The following ZFR variants were observed in gnomAD, a reference collection of about 807,000 sequenced individuals.
The protein encoded by ZFR is zinc finger RNA-binding protein.
In ZFR, 19 loss-of-function variants were observed where a neutral mutation model predicts 130.7. The ratio of observed to expected loss-of-function variants is 0.15; its 90% CI spans 0.10 to 0.21. The LOEUF (loss-of-function observed/expected upper bound fraction) is 0.21, where lower values mean the gene tolerates loss of function less well. ZFR is among the 10% of genes least tolerant of loss of function. ZFR has a pLI of 1.00. For missense variants in ZFR, 872 were observed against 1,321.5 expected (o/e 0.66, Z 5.27); for synonymous variants, 466 against 456.9 (o/e 1.02, Z -0.25).
At chr5:32,380,285 G>A (rs752312719) in intron 15 of ZFR, 113 bp from the exon 16 acceptor site, 3 of 632,250 alleles carry the variant, frequency 4.7e-6, no homozygotes, top group Middle Eastern at 2.6e-4. Context: ...GAGCTTGTTG[G>A]CACTTTAATA....
intron 2 of ZFR, among the ~76,000 whole-genome samples, chr5:32,428,763 A>C (rs1754132926): frequency 6.6e-6 from 1 of 152,156 alleles, no homozygotes; most frequent in Non-Finnish European, 1.5e-5. Flanking sequence ...ACAGTGCATG[A>C]GTGGCCTGAG....
intron 4 of ZFR, among the ~76,000 whole-genome samples, chr5:32,415,921 G>T (rs1479648715): frequency 6.6e-6 from 1 of 150,420 alleles, no homozygotes; most frequent in Non-Finnish European, 1.5e-5. Flanking sequence ...AAATCACGGG[G>T]CCAAGCTCAT....
At chr5:32,415,523 C>A (rs76538435) in intron 4 of ZFR, among the ~76,000 whole-genome samples, 4 of 132,036 alleles carry the variant, frequency 3.0e-5, no homozygotes, top group African/African-American at 1.2e-4. Flanking sequence ...TGTGCGCGCG[C>A]GCGCGCGCGC....
Position 32,419,886 on chromosome 5 carries a change from C to G in ZFR, c.355G>C (p.Gly119Arg). 6.2e-7 allele frequency: 1 copy of G among 1,613,726 alleles called. No individual in the cohort carries two copies. Among genetic ancestry groups the G allele is most frequent in the Non-Finnish European group, 8.5e-7 (1 of 1,179,786 alleles). The change falls in exon 3 of 20, where the codon GGT becomes CGT. Residue 119 changes from glycine to arginine, a missense_variant. By Grantham distance (125) the Gly-to-Arg change is moderately radical. This residue lies in a region of ZFR where 240 missense variants were observed against 441.2 expected (regional missense o/e 0.54). Transcript: ENST00000265069. ...GCTTCTTGTTGCCTCTGAGTATAAC[C>G]ATAGTCAGTTGCTGTGTGTGCAGTG... is the stretch of plus-strand genomic sequence containing the variant. ...YPTAHTATDY[G>R]YTQRQQEAPP...
chr5:32,365,922 A>T (rs988262280), intron 17 of ZFR, among the ~76,000 whole-genome samples: 20 of 151,980 alleles, frequency 1.3e-4, no homozygotes, highest in African/African-American at 4.6e-4. Flanking sequence ...TTTTTTACGG[A>T]TTTTCATTTT....
chr5:32,411,404 C>T (rs756225498), intron 5 of ZFR, among the ~76,000 whole-genome samples: 2 of 151,982 alleles, frequency 1.3e-5, no homozygotes, highest in African/African-American at 2.4e-5. Context: ...TGAAAATATT[C>T]GGAGGCAGGT....
rs1158425194 is a variant in ZFR, at chr5:32,377,151, A to G, written c.2835+1964T>C. ...AGCCTGGGCAACAGAGCAAGACTCC[A>G]TCTGAAAAAAAAAAAAAAAAAAAAA... On this transcript the variant is annotated intron_variant, in intron 17 of 19. Transcript: ENST00000265069. 7.9e-5 allele frequency among the ~76,000 whole-genome samples: 4 copies of G among 50,948 alleles called. No homozygotes were observed. In the East Asian group the frequency reaches 1.9e-3, roughly 24 times the overall value. 33.4% of individuals were successfully genotyped at this position (50,948 alleles called of 152,430 possible).
At chr5:32,372,435 CG>C (rs756160843) in intron 17 of ZFR, among the ~76,000 whole-genome samples, 8 of 152,224 alleles carry the variant, frequency 5.3e-5, no homozygotes, top group East Asian at 1.9e-4. Context: ...CCTTGAAAAA[CG>C]TGAGTTTGAA....
rs906867471 is a variant in ZFR, at chr5:32,388,496, T to A, written c.2321A>T (p.Asp774Val). 4 of 1,613,886 alleles carry A rather than the reference T, an allele frequency of 2.5e-6. No homozygotes were observed. Among genetic ancestry groups the A allele is most frequent in the Non-Finnish European group, 3.4e-6 (4 of 1,179,906 alleles). ...EHEKNKNKEG[D>V]DKKEGGKDRA... ...GTCTTTACCTCCCTCTTTCTTATCA[T>A]CTCCCTCTTTGTTCTTGTTCTTCTC... The change falls in exon 13 of 20, where the codon GAT becomes GTT. Residue 774 changes from aspartate (D) to valine (V), a missense_variant. Physicochemically the swap from Asp to Val is radical, Grantham distance 152 (BLOSUM62 -3). Around this residue, in one of 7 missense-constraint regions of ZFR, gnomAD observed 225 missense variants for 282.4 expected, o/e 0.80. Transcript: ENST00000265069.
intron 2 of ZFR, among the ~76,000 whole-genome samples, chr5:32,427,766 A>C (rs905668426): frequency 6.6e-6 from 1 of 152,250 alleles, no homozygotes; most frequent in African/African-American, 2.4e-5. Flanking sequence ...TAGTGCTGGC[A>C]TACAGACATA....
chr5:32,406,810 A>G lies in ZFR; in HGVS notation c.996T>C (p.Tyr332=), dbSNP rs767170170. The change falls in exon 6 of 20, where the codon TAT becomes TAC. Residue 332 remains tyrosine (Y), a synonymous_variant. Coordinates refer to ENST00000265069, the MANE Select transcript of ZFR (RefSeq NM_016107.5). The stretch of plus-strand genomic sequence containing the variant: ...CACAGCTGATCTTACAAACATCACA[A>G]TAGTGAATCTGTGGTGGTTTGGGAG... ...KQPPKPPQIH[Y]CDVCKISCAG... is the part of the protein sequence containing the mutation. 5.8e-5 allele frequency: 93 copies of G among 1,613,708 alleles called. 1 individual carries two copies. In the South Asian group the frequency reaches 9.0e-4, roughly 16 times the overall value.
intron 2 of ZFR, among the ~76,000 whole-genome samples, chr5:32,420,481 T>C (rs1022467281): frequency 3.3e-5 from 5 of 152,228 alleles, no homozygotes; most frequent in African/African-American, 9.6e-5. Flanking sequence ...TTCTTTATTA[T>C]GTTGTACAGT....
In ZFR at chr5:32,354,741, T is replaced by G. The variant is rs1446996797; in HGVS notation, c.*1019A>C. ...GATCATCTGTGTTATACTGTAATAG[T>G]TGCTAGAGTAATCTCACACACACCA... is the stretch of plus-strand genomic sequence containing the variant. On this transcript the variant is annotated 3_prime_UTR_variant, in exon 20 of 20. Transcript: ENST00000265069. The G allele has an allele frequency of 8.5e-5, 13 of 152,624 alleles. No individual in the cohort carries two copies. Among genetic ancestry groups the G allele is most frequent in the Admixed American group, 8.5e-4 (13 of 15,272 alleles). 9.5% of individuals were successfully genotyped at this position (152,624 alleles called of 1,614,324 possible).
intron 10 of ZFR, among the ~76,000 whole-genome samples, chr5:32,396,325 T>C (rs1020226448): frequency 6.6e-6 from 1 of 152,176 alleles, no homozygotes; most frequent in Admixed American, 6.5e-5. Flanking sequence ...AATGTCTATG[T>C]TGGGGTTAAA....
In ZFR at chr5:32,355,879, G is replaced by T. The variant is rs199656667; in HGVS notation, c.3106C>A (p.Pro1036Thr). The T allele has an allele frequency of 1.9e-6, 3 of 1,611,144 alleles. No individual in the cohort carries two copies. Among genetic ancestry groups the T allele is most frequent in the Non-Finnish European group, 2.5e-6 (3 of 1,179,084 alleles). Residue 1036 changes from proline (P) to threonine (T), a missense_variant, in exon 20 of 20, where the codon CCG becomes ACG. Pro to Thr is a conservative substitution (Grantham distance 38). Coordinates refer to ENST00000265069, the MANE Select transcript of ZFR (RefSeq NM_016107.5). The part of the protein sequence containing the change: ...IHKVLGMDPL[P>T]QMSQRFNIHN... ...ATGTTAAAACGTTGGCTCATTTGCG[G>T]TAATGGATCCATGCCTAGAACTTTG...
rs564021443 is a variant in ZFR, at chr5:32,430,013, G to C, written c.138-9910C>G. Among the ~76,000 whole-genome samples, 22 of 143,810 alleles carry C rather than the reference G, an allele frequency of 1.5e-4. No individual in the cohort carries two copies. In the South Asian group the frequency reaches 4.4e-3, roughly 29 times the overall value. The allele number at this position is 143,810 out of a possible 152,430, so 94.3% of individuals were successfully genotyped here. Reference sequence around the variant, plus strand: ...GTTGAGGCTGCTGTGAGCTACAACTGCACCACCGCAATCCTGGGTGATGTT... The same window carrying C: ...GTTGAGGCTGCTGTGAGCTACAACTCCACCACCGCAATCCTGGGTGATGTT... On this transcript the variant is annotated intron_variant, in intron 2 of 19. Coordinates refer to ENST00000265069, the MANE Select transcript of ZFR (RefSeq NM_016107.5).
chr5:32,404,032 TTG>T lies in ZFR; in HGVS notation c.1096_1097del (p.Gln366LysfsTer19). On this transcript the variant is annotated frameshift_variant, in exon 7 of 20. Transcript: ENST00000265069. LOFTEE classifies it high-confidence loss of function. ...KKKEAALKAS[Q>X]NTSSSNSSTR... ...TAGAACTGTTGCTGCTGCTGGTATT[TTG>T]TGAGGCTTTCAATGCAGCTTCTTTT... 6.2e-7 allele frequency: 1 copy of T among 1,614,116 alleles called. No individual in the cohort carries two copies. Among genetic ancestry groups the T allele is most frequent in the Non-Finnish European group, 8.5e-7 (1 of 1,179,974 alleles).
At chr5:32,430,079 C>CAAAAAAA (rs56163955) in intron 2 of ZFR, among the ~76,000 whole-genome samples, 1 of 70,290 alleles carries the variant, frequency 1.4e-5, no homozygotes, top group Non-Finnish European at 2.6e-5. Flanking sequence ...GACCCTATTT[C>CAAAAAAA]AAAAAAAAAA....
intron 5 of ZFR, among the ~76,000 whole-genome samples, chr5:32,408,250 TAG>T (rs1315143284): frequency 6.6e-6 from 1 of 150,476 alleles, no homozygotes; most frequent in Non-Finnish European, 1.5e-5. Flanking sequence ...ACTTACCTTA[TAG>T]ATCTGTTCTA....
Sources: allele counts gnomAD v4.1 joint callset (sites outside exome capture counted in the v4.1 genomes callset), GRCh38; gene constraint gnomAD v4.1.1; regional missense constraint gnomAD v4.1.1; transcripts MANE v1.5; gene names NCBI Gene and HGNC (gene_info 2026-07-23, HGNC 2026-07-21).